SLC8A1: variants seen among roughly 807,000 people sequenced by gnomAD.
SLC8A1 encodes sodium/calcium exchanger 1.
SLC8A1 carries 18 observed loss-of-function variants against 68.3 expected under a neutral mutation model. The observed-to-expected ratio is 0.26, with a 90% CI of 0.18 to 0.39. The LOEUF (loss-of-function observed/expected upper bound fraction) is 0.39, where lower values mean the gene tolerates loss of function less well. Ranked by LOEUF, SLC8A1 falls within the 10% of genes least tolerant of loss-of-function variation. The pLI, the probability that SLC8A1 is intolerant of heterozygous loss-of-function variation, is 1.00. For missense variants in SLC8A1, 985 were observed against 1,156.7 expected, an observed-to-expected ratio of 0.85 and a Z score of 2.15; for synonymous variants, 475 against 415.5, an observed-to-expected ratio of 1.14 and a Z score of -1.74.
At chr2:40,333,836 G>C (rs923365753) in intron 2 of SLC8A1, among the ~76,000 whole-genome samples, 2 of 152,118 alleles carry the variant, frequency 1.3e-5, no homozygotes, top group Non-Finnish European at 2.9e-5. Context: ...ATCTCTTGAG[G>C]TCAGGGGTTT....
intron 1 of SLC8A1, among the ~76,000 whole-genome samples, chr2:40,466,122 C>T (rs940806319): frequency 3.3e-5 from 5 of 152,014 alleles, no homozygotes. Context: ...TTTTTCATAA[C>T]AGCACAAAAT....
At chr2:40,120,852 C>G (rs1029567547) in intron 7 of SLC8A1, 2 of 152,170 alleles carry the variant, frequency 1.3e-5, no homozygotes, top group African/African-American at 2.4e-5. Flanking sequence ...ACTGGCCATT[C>G]ATTGATACGA....
chr2:40,454,028 T>C (rs1702839747), upstream of SLC8A1, among the ~76,000 whole-genome samples: 1 of 152,220 alleles, frequency 6.6e-6, no homozygotes. Flanking sequence ...CTACACTTAC[T>C]AGTGGATATA....
intron 2 of SLC8A1, among the ~76,000 whole-genome samples, chr2:40,222,571 T>C (rs2058474849): frequency 6.6e-6 from 1 of 151,750 alleles, no homozygotes; most frequent in African/African-American, 2.4e-5. Flanking sequence ...AAAGAAACTA[T>C]CAGAGTGAAC....
In SLC8A1 at chr2:40,418,501, C is replaced by T. The variant is rs111906791; in HGVS notation, c.1808+9972G>A. Reference sequence around the variant, plus strand: ...CAGGATATTCTGAGGTACTAGGCCACCTGAGCCTAAGACCTCAAAAGCACT... The same window carrying T: ...CAGGATATTCTGAGGTACTAGGCCATCTGAGCCTAAGACCTCAAAAGCACT... On this transcript the variant is annotated intron_variant, in intron 2 of 7. Coordinates refer to ENST00000406785, the Ensembl canonical transcript of SLC8A1. 4.7e-3 allele frequency among the ~76,000 whole-genome samples: 718 copies of T among 152,242 alleles called. 11 individuals carry two copies. Among genetic ancestry groups the T allele is most frequent in the African/African-American group, 0.016 (658 of 41,556 alleles).
chr2:40,342,993 T>C (rs1232821409), intron 2 of SLC8A1, among the ~76,000 whole-genome samples: 2 of 152,106 alleles, frequency 1.3e-5, no homozygotes, highest in Non-Finnish European at 2.9e-5. Flanking sequence ...TAATCTGAAA[T>C]TGTTGCATAA....
intron 4 of SLC8A1, among the ~76,000 whole-genome samples, chr2:40,166,273 G>T (rs182499660): frequency 6.6e-6 from 1 of 152,142 alleles, no homozygotes; most frequent in Non-Finnish European, 1.5e-5. Flanking sequence ...CTAGCTGCTC[G>T]TTGTGAGGGC....
At chr2:40,186,393 G>T (rs916699690) in intron 2 of SLC8A1, among the ~76,000 whole-genome samples, 5 of 152,038 alleles carry the variant, frequency 3.3e-5, no homozygotes, top group African/African-American at 1.2e-4. Flanking sequence ...TGATTGGTGA[G>T]TTGCTTACTG....
chr2:40,441,939 C>T (rs1014711977), intron 1 of SLC8A1, among the ~76,000 whole-genome samples: 1 of 150,312 alleles, frequency 6.7e-6, no homozygotes, highest in African/African-American at 2.5e-5. Flanking sequence ...AACCAAAGAG[C>T]TTCTGCATAG....
At chr2:40,299,254 C>G (rs147665762) in intron 2 of SLC8A1, among the ~76,000 whole-genome samples, 1 of 152,184 alleles carries the variant, frequency 6.6e-6, no homozygotes, top group East Asian at 1.9e-4. Flanking sequence ...GCATCAGGAT[C>G]CAGGAAAGAT....
At chr2:40,290,454 G>A (rs1320091903) in intron 2 of SLC8A1, among the ~76,000 whole-genome samples, 1 of 152,116 alleles carries the variant, frequency 6.6e-6, no homozygotes, top group Non-Finnish European at 1.5e-5. Flanking sequence ...TTCTAGAGAA[G>A]CAGGTGCATT....
At chr2:40,407,260 T>G (rs1690663987) in intron 2 of SLC8A1, among the ~76,000 whole-genome samples, 1 of 152,130 alleles carries the variant, frequency 6.6e-6, no homozygotes, top group African/African-American at 2.4e-5. Context: ...GAGACAGGGT[T>G]TCACCATGTT....
chr2:40,231,288 G>A (rs183894028), intron 2 of SLC8A1, among the ~76,000 whole-genome samples: 64 of 152,208 alleles, frequency 4.2e-4, no homozygotes, highest in Admixed American at 6.5e-4. Context: ...TATTAGACAC[G>A]GGAAATGTGC....
At chr2:40,405,434 A>G (rs963037593) in intron 2 of SLC8A1, among the ~76,000 whole-genome samples, 3 of 152,242 alleles carry the variant, frequency 2.0e-5, no homozygotes, top group African/African-American at 7.2e-5. Context: ...ATGGTATTTT[A>G]AAAGAGCTTG....
intron 1 of SLC8A1, among the ~76,000 whole-genome samples, chr2:40,499,395 A>G (rs1263987630): frequency 6.6e-6 from 1 of 152,080 alleles, no homozygotes; most frequent in Non-Finnish European, 1.5e-5. Context: ...GGATTTAGTG[A>G]GTTAATATAG....
chr2:40,216,660 C>A (rs936964011), intron 2 of SLC8A1, among the ~76,000 whole-genome samples: 2 of 151,984 alleles, frequency 1.3e-5, no homozygotes, highest in African/African-American at 4.8e-5. Context: ...TGTCGCCAGT[C>A]TCTATTGTTT....
At chr2:40,238,077 C>T (rs1323100805) in intron 2 of SLC8A1, among the ~76,000 whole-genome samples, 1 of 152,198 alleles carries the variant, frequency 6.6e-6, no homozygotes, top group Non-Finnish European at 1.5e-5. Context: ...TGCCCTGCCC[C>T]CAGAGGTGGA....
At chr2:40,493,534 A>C (rs932941980) in intron 1 of SLC8A1, among the ~76,000 whole-genome samples, 2 of 151,712 alleles carry the variant, frequency 1.3e-5, no homozygotes, top group African/African-American at 4.8e-5. Flanking sequence ...AAAAAAAAAG[A>C]AGCTTAGGTT....
chr2:40,275,598 G>A (rs939040466), intron 2 of SLC8A1, among the ~76,000 whole-genome samples: 2 of 152,072 alleles, frequency 1.3e-5, no homozygotes, highest in African/African-American at 2.4e-5. Flanking sequence ...TTTTCTTTAC[G>A]TGGGTTTTAC....
Sources: gnomAD v4.1 joint callset for allele counts (sites outside exome capture counted in the v4.1 genomes callset) on GRCh38, gnomAD v4.1.1 for gene constraint, MANE v1.5 for transcripts, NCBI Gene and HGNC (gene_info 2026-07-23, HGNC 2026-07-21) for gene names.